Variants in PELI2 observed in about 807,000 individuals in gnomAD.
PELI2 encodes pellino E3 ubiquitin protein ligase family member 2.
Under a neutral mutation model 42.3 loss-of-function variants are expected in PELI2, and 23 were observed. That is an observed-to-expected ratio of 0.54 (90% CI 0.39 to 0.77). The LOEUF (loss-of-function observed/expected upper bound fraction) is 0.77, where lower values mean the gene tolerates loss of function less well. Ranked by LOEUF, PELI2 falls within the 30% of genes least tolerant of loss-of-function variation. The pLI is 0.00. For missense variants in PELI2, 463 were observed against 553.2 expected, an observed-to-expected ratio of 0.84 and a Z score of 1.64; for synonymous variants, 245 against 212.2, an observed-to-expected ratio of 1.15 and a Z score of -1.34.
At chr14:56,243,506 G>T (rs1450484860) in intron 2 of PELI2, among the ~76,000 whole-genome samples, 1 of 152,204 alleles carries the variant, frequency 6.6e-6, no homozygotes, top group Non-Finnish European at 1.5e-5. Context: ...CTGTGAAATG[G>T]GGATAATACT....
Position 56,118,807 on chromosome 14 carries a change from G to A in PELI2, c.77+70G>A. ...AGCGCCCGCATCCTGGAGCGGGGCT[G>A]GCGGGGTGGCTCGGTGCTCTTTGGG... On this transcript the variant is annotated intron_variant, in intron 1 of 5. Transcript: ENST00000267460. 13 of 1,099,558 alleles carry A rather than the reference G, an allele frequency of 1.2e-5. No homozygotes were observed. In the South Asian group the frequency reaches 2.1e-4, roughly 17 times the overall value. The allele number at this position is 1,099,558 out of a possible 1,614,324, so 68.1% of individuals were successfully genotyped here. A position where few individuals can be genotyped will look rare whatever the true frequency, so the allele number is the denominator to read the frequency against.
chr14:56,193,278 T>C lies in PELI2; in HGVS notation c.207+14814T>C, dbSNP rs141328940. Among the ~76,000 whole-genome samples, 1,341 of 152,124 alleles carry C rather than the reference T, an allele frequency of 8.8e-3. 26 individuals carry two copies. Among genetic ancestry groups the C allele is most frequent in the African/African-American group, 0.031 (1,276 of 41,484 alleles). Reference sequence around the variant, plus strand: ...GTAGTGAGATGCCCCCAGATGGGAGTATGGGCTGGAAGAAATGCTGATTTT... The same window carrying C: ...GTAGTGAGATGCCCCCAGATGGGAGCATGGGCTGGAAGAAATGCTGATTTT... On this transcript the variant is annotated intron_variant, in intron 2 of 5. Coordinates refer to ENST00000267460, the MANE Select transcript of PELI2 (RefSeq NM_021255.3).
At position 56,197,411 on chromosome 14, in the gene PELI2, G is replaced by A. The variant is rs1225958284; in HGVS notation, c.207+18947G>A. 6.6e-6 allele frequency among the ~76,000 whole-genome samples: 1 copy of A among 152,162 alleles called. No homozygotes were observed. The highest frequency in any genetic ancestry group is 3.2e-3 in the Middle Eastern group (1 of 316). ...GGGGAGTTGGAGCTTGGGATGAGAT[G>A]AGGGTACAGTCAAGTCTTGTTCATG... On this transcript the variant is annotated intron_variant, in intron 2 of 5. Coordinates refer to ENST00000267460, the MANE Select transcript of PELI2 (RefSeq NM_021255.3). This position sits in a 1 kb window ranked among gnomAD's most constrained non-coding sequence, Gnocchi z 4.9.
intron 1 of PELI2, among the ~76,000 whole-genome samples, chr14:56,121,249 T>C (rs1369700083): frequency 6.6e-6 from 1 of 152,126 alleles, no homozygotes; most frequent in East Asian, 1.9e-4. Flanking sequence ...TTTTTTTTTT[T>C]TTAATGGTTA....
intron 2 of PELI2, among the ~76,000 whole-genome samples, chr14:56,229,804 G>A (rs1887493547): frequency 1.3e-5 from 2 of 152,306 alleles, no homozygotes; most frequent in Non-Finnish European, 2.9e-5. Context: ...ACTTCTCTGA[G>A]CTAAAGGACG....
At chr14:56,198,518 C>G (rs924456597) in intron 2 of PELI2, among the ~76,000 whole-genome samples, 1 of 152,146 alleles carries the variant, frequency 6.6e-6, no homozygotes, top group Non-Finnish European at 1.5e-5. Context: ...AAGGAAGGGA[C>G]TTAGATTTGA....
chr14:56,135,544 T>A (rs1011857729), intron 1 of PELI2, among the ~76,000 whole-genome samples: 1 of 152,240 alleles, frequency 6.6e-6, no homozygotes, highest in Non-Finnish European at 1.5e-5. Context: ...TTATTGAAGA[T>A]CTCTCAAGTG....
chr14:56,187,923 G>A (rs149781806), intron 2 of PELI2, among the ~76,000 whole-genome samples: 13 of 152,286 alleles, frequency 8.5e-5, no homozygotes, highest in African/African-American at 2.4e-4. Context: ...TCTGTGCTCC[G>A]CAGGTGGCCA....
At chr14:56,205,638 A>G (rs1408685393) in intron 2 of PELI2, among the ~76,000 whole-genome samples, 1 of 152,218 alleles carries the variant, frequency 6.6e-6, no homozygotes. Flanking sequence ...ACTATTTGGT[A>G]GTTTTGAAAG....
intron 2 of PELI2, among the ~76,000 whole-genome samples, chr14:56,208,431 G>C (rs1392822136): frequency 6.6e-6 from 1 of 152,228 alleles, no homozygotes; most frequent in Non-Finnish European, 1.5e-5. Context: ...TTCACTGGAA[G>C]GTGTAGGAGA....
intron 1 of PELI2, among the ~76,000 whole-genome samples, chr14:56,175,458 G>T (rs1419387971): frequency 1.3e-5 from 2 of 152,226 alleles, no homozygotes; most frequent in African/African-American, 4.8e-5. Flanking sequence ...AGGCAGGGAA[G>T]CTGATATACA....
chr14:56,191,794 T>G (rs1343255313), intron 2 of PELI2, among the ~76,000 whole-genome samples: 1 of 152,240 alleles, frequency 6.6e-6, no homozygotes, highest in African/African-American at 2.4e-5. Context: ...TTAGTAAGTT[T>G]TGCTCTAGTT....
chr14:56,215,035 A>T lies in PELI2; in HGVS notation c.207+36571A>T, dbSNP rs189517808. ...CACTTAATAGTCACACATGTTGGTC[A>T]GTAAGTAATAACTGCTTTTTTTGCT... is the stretch of plus-strand genomic sequence containing the variant. On this transcript the variant is annotated intron_variant, in intron 2 of 5. Coordinates refer to ENST00000267460, the MANE Select transcript of PELI2 (RefSeq NM_021255.3). Among the ~76,000 whole-genome samples the T allele has an allele frequency of 5.3e-5, 8 of 151,394 alleles. No individual in the cohort carries two copies. In the East Asian group the frequency reaches 1.4e-3, roughly 26 times the overall value.
At chr14:56,185,160 T>C (rs1245283694) in intron 2 of PELI2, among the ~76,000 whole-genome samples, 1 of 152,146 alleles carries the variant, frequency 6.6e-6, no homozygotes, top group East Asian at 1.9e-4. Flanking sequence ...ATGTTTTACA[T>C]AGAGTGAGTT....
chr14:56,292,594 G>A (rs142053776), intron 5 of PELI2: 43 of 159,676 alleles, frequency 2.7e-4, no homozygotes, highest in African/African-American at 1.0e-3. Flanking sequence ...TAAAACAATA[G>A]TAGTCACATT....
chr14:56,273,919 T>C lies in PELI2; in HGVS notation c.208-5757T>C, dbSNP rs1889194547. ...CGTTTGATTCAGCATCTCAAAGATG[T>C]CAGGGCTCTGAGCCAACTTCTGTGA... On this transcript the variant is annotated intron_variant, in intron 2 of 5. Coordinates refer to ENST00000267460, the MANE Select transcript of PELI2 (RefSeq NM_021255.3). The surrounding 1 kb of genome is among the most constrained non-coding windows in gnomAD (Gnocchi z 4.3). Among the ~76,000 whole-genome samples the C allele has an allele frequency of 6.6e-6, 1 of 152,212 alleles. No homozygotes were observed. Among genetic ancestry groups the C allele is most frequent in the South Asian group, 2.1e-4 (1 of 4,830 alleles).
At chr14:56,256,551 T>C (rs572910259) in intron 2 of PELI2, among the ~76,000 whole-genome samples, 2 of 152,302 alleles carry the variant, frequency 1.3e-5, no homozygotes, top group African/African-American at 4.8e-5. Flanking sequence ...CCGGAAAATA[T>C]TTATTGAATT....
chr14:56,151,899 A>T (rs987543967), intron 1 of PELI2, among the ~76,000 whole-genome samples: 1 of 152,236 alleles, frequency 6.6e-6, no homozygotes, highest in Non-Finnish European at 1.5e-5. Flanking sequence ...GTTGAAATTT[A>T]GTAGATGTTT....
At chr14:56,145,203 G>A (rs1884070977) in intron 1 of PELI2, among the ~76,000 whole-genome samples, 2 of 152,208 alleles carry the variant, frequency 1.3e-5, no homozygotes, top group Admixed American at 6.5e-5. Flanking sequence ...GAGCAGGAGA[G>A]AGAGTGAAGG....
Sources: allele counts gnomAD v4.1 joint callset (sites outside exome capture counted in the v4.1 genomes callset), GRCh38; gene constraint gnomAD v4.1.1; non-coding constraint Gnocchi (gnomAD v3.1); transcripts MANE v1.5; gene names NCBI Gene and HGNC (gene_info 2026-07-23, HGNC 2026-07-21).